LARP4B: variants seen among roughly 807,000 people sequenced by gnomAD.
The protein encoded by LARP4B is la-related protein 4B.
Under a neutral mutation model 89.8 loss-of-function variants are expected in LARP4B, and 12 were observed. That is an observed-to-expected ratio of 0.13 (90% confidence interval 0.09 to 0.22). The LOEUF (loss-of-function observed/expected upper bound fraction) is 0.22, where lower values mean the gene tolerates loss of function less well. LARP4B is among the 10% of genes least tolerant of loss of function. The probability of loss-of-function intolerance (pLI) is 1.00; values close to 1 mark genes in which losing one functional copy is unlikely to be tolerated. For missense variants in LARP4B, 757 were observed against 947.7 expected (o/e 0.80, Z 2.64); for synonymous variants, 367 against 363.3 (o/e 1.01, Z -0.12).
At chr10:988,337 A>T in the LARP4B span, 1 of 682,188 alleles carries the variant, frequency 1.5e-6, no homozygotes. Context: ...TGCGACGCGG[A>T]AAGCGCCGTA....
the LARP4B span, chr10:986,479 CATACTTGCCCCCAAGAAGCT>C: frequency 6.6e-6 from 1 of 152,206 alleles, no homozygotes; most frequent in Non-Finnish European, 1.5e-5. Flanking sequence ...GTGTAGAATA[CATACTTGCCCCCAAGAAGCT>C]ATACTCTGCC....
chr10:971,983 G>C, the LARP4B span: 1 of 155,256 alleles, frequency 6.4e-6, no homozygotes, highest in Admixed American at 6.3e-5. Context: ...CGTTGTCGAG[G>C]GAGGTGGCTC....
chr10:895,143 G>A (rs575647898), intron 1 of LARP4B, among the ~76,000 whole-genome samples: 3 of 151,992 alleles, frequency 2.0e-5, no homozygotes, highest in Admixed American at 2.0e-4. Context: ...CCAAGATCGC[G>A]CCACTCCACT....
chr10:902,002 TCTA>T (rs1836358149), intron 1 of LARP4B, among the ~76,000 whole-genome samples: 1 of 152,228 alleles, frequency 6.6e-6, no homozygotes, highest in African/African-American at 2.4e-5. Flanking sequence ...TTAGAACGTG[TCTA>T]CTAAGTCGAC....
the LARP4B span, among the ~76,000 whole-genome samples, chr10:959,398 T>TC: frequency 2.2e-3 from 140 of 64,526 alleles, no homozygotes; most frequent in African/African-American, 6.4e-3. Flanking sequence ...TCCTCATCAA[T>TC]CCACCTCCCC....
Position 825,163 on chromosome 10 carries a change from T to C in LARP4B, c.1386A>G (p.Thr462=). The C allele has an allele frequency of 6.2e-7, 1 of 1,614,198 alleles. No individual in the cohort carries two copies. The highest frequency in any genetic ancestry group is 2.2e-5 in the East Asian group (1 of 44,866). The change falls in exon 13 of 18, where the codon ACA becomes ACG. Residue 462 remains threonine (T), a synonymous_variant. Transcript: ENST00000316157. The part of the protein sequence containing the change: ...PQTRQAGQTR[T]RIQNPSAYAK... ...CATATGCTGAAGGGTTTTGAATCCG[T>C]GTTCTAGTTTGACCTGCTTGCCTTG...
the LARP4B span, among the ~76,000 whole-genome samples, chr10:974,043 A>T: frequency 6.6e-6 from 1 of 152,164 alleles, no homozygotes; most frequent in Admixed American, 6.5e-5. Context: ...GACAAACATC[A>T]ACAGCTCCCT....
intron 3 of LARP4B, among the ~76,000 whole-genome samples, chr10:883,323 C>A (rs1323528021): frequency 6.6e-6 from 1 of 152,050 alleles, no homozygotes; most frequent in African/African-American, 2.4e-5. Context: ...ACCAGCCTGA[C>A]CGACATGGTG....
chr10:894,098 A>C (rs1836119705), intron 1 of LARP4B, among the ~76,000 whole-genome samples: 1 of 152,214 alleles, frequency 6.6e-6, no homozygotes, highest in Non-Finnish European at 1.5e-5. Flanking sequence ...ATGTCTGCTG[A>C]AATTATCAAG....
chr10:862,674 G>C (rs192273074), intron 5 of LARP4B, among the ~76,000 whole-genome samples: 2 of 152,134 alleles, frequency 1.3e-5, no homozygotes, highest in East Asian at 3.9e-4. Context: ...GTAGGAGAAT[G>C]GCATGAACTC....
At chr10:859,216 T>C (rs1004054428) in intron 5 of LARP4B, among the ~76,000 whole-genome samples, 1 of 151,824 alleles carries the variant, frequency 6.6e-6, no homozygotes, top group African/African-American at 2.4e-5. Context: ...GAGGTGGACG[T>C]TGTAGTGAGC....
chr10:813,397 C>A (rs2131589354), intron 17 of LARP4B, among the ~76,000 whole-genome samples, 184 bp from the exon 18 acceptor site: 1 of 152,368 alleles, frequency 6.6e-6, no homozygotes, highest in African/African-American at 2.4e-5. Flanking sequence ...GCAGAACACT[C>A]CCTCTGTGCT....
At chr10:848,478 G>C (rs556144113) in intron 5 of LARP4B, among the ~76,000 whole-genome samples, 1 of 151,580 alleles carries the variant, frequency 6.6e-6, no homozygotes, top group East Asian at 1.9e-4. Flanking sequence ...AACTGACACA[G>C]ATGTTAAAAT....
chr10:848,929 T>C (rs1833907652), intron 5 of LARP4B, among the ~76,000 whole-genome samples: 1 of 152,138 alleles, frequency 6.6e-6, no homozygotes. Flanking sequence ...ATAACTGACT[T>C]TTAAATAAAA....
the LARP4B span, among the ~76,000 whole-genome samples, chr10:976,813 G>T: frequency 6.6e-6 from 1 of 151,352 alleles, no homozygotes. Flanking sequence ...TGTGGACCCG[G>T]CCTAGTAGAA....
At chr10:876,651 A>C (rs892767272) in intron 3 of LARP4B, among the ~76,000 whole-genome samples, 3 of 152,106 alleles carry the variant, frequency 2.0e-5, no homozygotes, top group African/African-American at 7.2e-5. Flanking sequence ...TCCTGCCCAC[A>C]GCTCTCCCAG....
At chr10:914,284 G>C (rs1015546443) in intron 1 of LARP4B, among the ~76,000 whole-genome samples, 2 of 152,068 alleles carry the variant, frequency 1.3e-5, no homozygotes, top group African/African-American at 4.8e-5. Context: ...TTTATATACA[G>C]AGCATATTTT....
At chr10:857,164 C>T (rs966442637) in intron 5 of LARP4B, among the ~76,000 whole-genome samples, 3 of 152,062 alleles carry the variant, frequency 2.0e-5, no homozygotes, top group South Asian at 4.1e-4. Context: ...AAGAGCAGAG[C>T]AAGCATTAGA....
chr10:888,331 A>C (rs1300100871), intron 1 of LARP4B, among the ~76,000 whole-genome samples: 1 of 145,044 alleles, frequency 6.9e-6, no homozygotes, highest in Admixed American at 6.9e-5. Context: ...AAAACAAACA[A>C]ACAAACAAAA....
Sources: gnomAD v4.1 joint callset for allele counts (sites outside exome capture counted in the v4.1 genomes callset) on GRCh38, gnomAD v4.1.1 for gene constraint, MANE v1.5 for transcripts, NCBI Gene and HGNC (gene_info 2026-07-23, HGNC 2026-07-21) for gene names.